VAC14: variants seen among roughly 807,000 people sequenced by gnomAD.
VAC14 encodes the protein VAC14 component of PIKFYVE complex.
In VAC14, 47 loss-of-function variants were observed where a neutral mutation model predicts 85.3. The observed-to-expected ratio is 0.55, with a 90% CI of 0.44 to 0.70. The LOEUF (loss-of-function observed/expected upper bound fraction) is 0.70. Ranked by LOEUF, VAC14 falls within the 30% of genes least tolerant of loss-of-function variation. The pLI is 0.00. For missense variants in VAC14, 861 were observed against 1,004.3 expected (o/e 0.86, Z 1.93); for synonymous variants, 447 against 430.5 (o/e 1.04, Z -0.47).
intron 14 of VAC14, among the ~76,000 whole-genome samples, chr16:70,727,116 G>C (rs1597892158): frequency 1.3e-5 from 2 of 152,326 alleles, no homozygotes; most frequent in South Asian, 4.2e-4. Flanking sequence ...CCAGGTCCCA[G>C]AGCTAAACAC....
intron 15 of VAC14, among the ~76,000 whole-genome samples, chr16:70,697,472 G>C (rs1351694480): frequency 6.6e-6 from 1 of 152,236 alleles, no homozygotes; most frequent in Non-Finnish European, 1.5e-5. Context: ...CCCAGTCCCA[G>C]AGCTGTGTGG....
At chr16:70,727,790 T>A (rs1051759083) in intron 14 of VAC14, among the ~76,000 whole-genome samples, 3 of 152,216 alleles carry the variant, frequency 2.0e-5, no homozygotes, top group African/African-American at 7.2e-5. Context: ...AAGCCACATG[T>A]TTGCAGGGCC....
At chr16:70,797,996 CTCAGG>C (rs1461219210) in intron 1 of VAC14, among the ~76,000 whole-genome samples, 9 of 152,208 alleles carry the variant, frequency 5.9e-5, no homozygotes, top group African/African-American at 2.2e-4. Flanking sequence ...ATTACCCAGT[CTCAGG>C]TATTTGTTTA....
intron 14 of VAC14, among the ~76,000 whole-genome samples, chr16:70,720,281 A>C (rs2054257570): frequency 6.6e-6 from 1 of 152,190 alleles, no homozygotes; most frequent in African/African-American, 2.4e-5. Flanking sequence ...CAGTTAGTGA[A>C]AATTTACAAG....
Position 70,692,932 on chromosome 16 carries a change from T to C in VAC14, c.2075A>G (p.Tyr692Cys), listed in dbSNP as rs1217672244. The change falls in exon 18 of 19, where the codon TAC becomes TGC. Residue 692 changes from tyrosine (Y) to cysteine (C), a missense_variant. By Grantham distance (194) the Tyr-to-Cys change is radical. Transcript: ENST00000261776. Reference sequence around the variant, plus strand: ...CAGGCCGTAGAGGGCCTTGATCAGGTAGGGGTTGTTCTTCACGTCCAGCAG... The same window carrying C: ...CAGGCCGTAGAGGGCCTTGATCAGGCAGGGGTTGTTCTTCACGTCCAGCAG... ...LQLLDVKNNP[Y>C]LIKALYGLLM... is the part of the protein sequence containing the mutation. 5.0e-6 allele frequency: 8 copies of C among 1,611,156 alleles called. No homozygotes were observed. Among genetic ancestry groups the C allele is most frequent in the Non-Finnish European group, 6.8e-6 (8 of 1,179,558 alleles).
chr16:70,730,028 T>C (rs920054244), intron 14 of VAC14, among the ~76,000 whole-genome samples: 6 of 151,818 alleles, frequency 4.0e-5, no homozygotes, highest in Non-Finnish European at 7.4e-5. Flanking sequence ...GGGACTGGCA[T>C]CACCATCCAC....
rs142110553 is a variant in VAC14 at position 70,746,701 on chromosome 16, C to T, written c.1372-2122G>A. The stretch of plus-strand genomic sequence containing the variant: ...TCAGCCACAGAAGAAAGACACAGGG[C>T]GGAGGGCAGGATGGGGAAGTGGCAC... On this transcript the variant is annotated intron_variant, in intron 12 of 18. Transcript: ENST00000261776. Among the ~76,000 whole-genome samples the T allele has an allele frequency of 3.6e-3, 548 of 152,298 alleles. 1 individual carries two copies. The highest frequency in any genetic ancestry group is 0.014 in the Middle Eastern group (4 of 294).
chr16:70,725,169 C>G (rs2054391303), intron 14 of VAC14, among the ~76,000 whole-genome samples: 1 of 151,628 alleles, frequency 6.6e-6, no homozygotes, highest in Non-Finnish European at 1.5e-5. Flanking sequence ...CCGGCCAATG[C>G]CTCCAGGCAG....
chr16:70,782,949 T>G, intron 7 of VAC14, 84 bp downstream of exon 7: 10 of 1,247,068 alleles, frequency 8.0e-6, no homozygotes, highest in South Asian at 1.3e-5. Flanking sequence ...TCACTGAAGC[T>G]GAGATGGTGA....
intron 14 of VAC14, among the ~76,000 whole-genome samples, chr16:70,711,870 G>A (rs767414892): frequency 5.3e-5 from 8 of 152,204 alleles, no homozygotes; most frequent in Non-Finnish European, 8.8e-5. Context: ...AGTTAAACAT[G>A]AATACTCACC....
intron 15 of VAC14, among the ~76,000 whole-genome samples, chr16:70,697,506 G>C (rs556561542): frequency 6.6e-6 from 1 of 152,358 alleles, no homozygotes; most frequent in East Asian, 1.9e-4. Context: ...CTGGCTGGGA[G>C]TGGCTGTCCT....
chr16:70,722,808 G>A (rs1007175342), intron 14 of VAC14, among the ~76,000 whole-genome samples: 8 of 152,120 alleles, frequency 5.3e-5, no homozygotes, highest in African/African-American at 1.4e-4. Flanking sequence ...GACTGACTGC[G>A]GTAGCTCATG....
chr16:70,797,101 A>C (rs1467651817), intron 1 of VAC14, among the ~76,000 whole-genome samples: 1 of 152,138 alleles, frequency 6.6e-6, no homozygotes, highest in African/African-American at 2.4e-5. Context: ...TTCAAGAACA[A>C]CGCATTTGTT....
intron 1 of VAC14, among the ~76,000 whole-genome samples, chr16:70,800,330 G>C (rs552144772): frequency 2.0e-4 from 30 of 152,312 alleles, no homozygotes; most frequent in Middle Eastern, 3.4e-3. Context: ...TTGAGATCAC[G>C]AGTTTTCCGA....
At chr16:70,734,293 C>T (rs1442247263) in intron 13 of VAC14, among the ~76,000 whole-genome samples, 2 of 152,114 alleles carry the variant, frequency 1.3e-5, no homozygotes, top group African/African-American at 4.8e-5. Context: ...CTTGTGCCAT[C>T]ACACCCAGCT....
chr16:70,774,522 A>C (rs901089371), intron 9 of VAC14, among the ~76,000 whole-genome samples: 2 of 152,194 alleles, frequency 1.3e-5, no homozygotes, highest in Non-Finnish European at 2.9e-5. Context: ...GTAATTAATA[A>C]ATAACTTGGG....
chr16:70,784,122 G>A lies in VAC14; in HGVS notation c.585C>T (p.Ile195=), dbSNP rs1316234844. Residue 195 remains isoleucine, a synonymous_variant, in exon 5 of 19, where the codon ATC becomes ATT. Coordinates refer to ENST00000261776, the MANE Select transcript of VAC14 (RefSeq NM_018052.5). ...TCCGGCCAGGCCTTACCCAGGAGAT[G>A]ATGAACTGCCGGGCATACTGGTTGT... ...YSNNQYARQF[I]ISWILVLESV... is the part of the protein sequence containing the mutation. 1 of 1,614,140 alleles carries A rather than the reference G, an allele frequency of 6.2e-7. No individual in the cohort carries two copies. The highest frequency in any genetic ancestry group is 8.5e-7 in the Non-Finnish European group (1 of 1,179,954).
intron 14 of VAC14, among the ~76,000 whole-genome samples, chr16:70,705,050 C>T (rs770199575): frequency 1.3e-5 from 2 of 152,206 alleles, no homozygotes; most frequent in Admixed American, 1.3e-4. Context: ...GCTGTTTGCT[C>T]GGGATACTTG....
intron 12 of VAC14, among the ~76,000 whole-genome samples, chr16:70,752,344 A>T (rs1291438294): frequency 6.6e-6 from 1 of 152,238 alleles, no homozygotes; most frequent in Non-Finnish European, 1.5e-5. Context: ...AAGAAAGGCC[A>T]GCCTCAGGTA....
Sources: allele counts gnomAD v4.1 joint callset (sites outside exome capture counted in the v4.1 genomes callset), GRCh38; gene constraint gnomAD v4.1.1; transcripts MANE v1.5; gene names NCBI Gene and HGNC (gene_info 2026-07-23, HGNC 2026-07-21).